The following RBFOX1 variants were observed in gnomAD, a reference collection of about 807,000 sequenced individuals.
RBFOX1 encodes RNA binding fox-1 homolog 1, also known as RNA binding protein fox-1 homolog 1.
RBFOX1 carries 8 observed loss-of-function variants against 57.7 expected under a neutral mutation model. The ratio of observed to expected loss-of-function variants is 0.14; its 90% CI spans 0.08 to 0.25. RBFOX1 has a LOEUF of 0.25. Ranked by LOEUF, RBFOX1 falls within the 10% of genes least tolerant of loss-of-function variation. The pLI is 1.00. For synonymous variants in RBFOX1, 326 were observed against 222.4 expected, an observed-to-expected ratio of 1.47 and a Z score of -4.15; for missense variants, 611 against 548.5, an observed-to-expected ratio of 1.11 and a Z score of -1.14.
intron 3 of RBFOX1, among the ~76,000 whole-genome samples, chr16:6,777,557 C>G (rs1372908717): frequency 1.3e-5 from 2 of 152,022 alleles, no homozygotes; most frequent in South Asian, 2.1e-4. Flanking sequence ...ACCTTGCAGG[C>G]CTGTTTGCAA....
At chr16:6,918,093 C>A (rs1163154587) in intron 3 of RBFOX1, among the ~76,000 whole-genome samples, 1 of 152,052 alleles carries the variant, frequency 6.6e-6, no homozygotes, top group Non-Finnish European at 1.5e-5. Context: ...TCGAGACCAG[C>A]CTGGACAACA....
chr16:6,709,462 A>G (rs1487450917), intron 3 of RBFOX1, among the ~76,000 whole-genome samples: 1 of 152,234 alleles, frequency 6.6e-6, no homozygotes, highest in Non-Finnish European at 1.5e-5. Context: ...TCTTCATACA[A>G]TATAGCTGAC....
At chr16:7,679,529 C>A (rs532065830) in intron 14 of RBFOX1, among the ~76,000 whole-genome samples, 1 of 152,172 alleles carries the variant, frequency 6.6e-6, no homozygotes, top group African/African-American at 2.4e-5. Context: ...AACAAACTTT[C>A]CCTGTAATCA....
In RBFOX1 at chr16:5,877,466, C is replaced by G. The variant is rs572068876; in HGVS notation, c.351+10131C>G. ...GGGCTGTTTAGCTCTCCCAGGAAGC[C>G]TGGCTTCAGATGAGATGGGTCTTCC... is the stretch of plus-strand genomic sequence containing the variant. On this transcript the variant is annotated intron_variant, in intron 4 of 19. Coordinates refer to the RBFOX1 transcript ENST00000641259. 7.2e-5 allele frequency among the ~76,000 whole-genome samples: 11 copies of G among 152,360 alleles called. No homozygotes were observed. The East Asian group carries it at 2.1e-3, about 29-fold the overall frequency.
At chr16:5,651,844 T>C (rs2049250741) in intron 3 of RBFOX1, among the ~76,000 whole-genome samples, 2 of 152,208 alleles carry the variant, frequency 1.3e-5, no homozygotes, top group Middle Eastern at 3.4e-3. Flanking sequence ...ATAATAATAA[T>C]GCTTTTAGGC....
chr16:6,998,180 A>C (rs1421521960), intron 3 of RBFOX1, among the ~76,000 whole-genome samples: 2 of 152,192 alleles, frequency 1.3e-5, no homozygotes, highest in Non-Finnish European at 2.9e-5. Context: ...CAGCCAAAGC[A>C]GTACATTTGG....
intron 2 of RBFOX1, among the ~76,000 whole-genome samples, chr16:6,370,990 GT>G (rs1173760539): frequency 6.6e-6 from 1 of 152,152 alleles, no homozygotes; most frequent in African/African-American, 2.4e-5. Context: ...TATGATCCCA[GT>G]TGGGGTGTGC....
At chr16:5,868,486 A>G (rs2057393843) in intron 4 of RBFOX1, among the ~76,000 whole-genome samples, 1 of 152,218 alleles carries the variant, frequency 6.6e-6, no homozygotes, top group African/African-American at 2.4e-5. Context: ...GTAGGGTAAA[A>G]TAGAATAAAG....
intron 3 of RBFOX1, among the ~76,000 whole-genome samples, chr16:6,928,401 G>A (rs947632526): frequency 6.6e-6 from 1 of 152,138 alleles, no homozygotes; most frequent in African/African-American, 2.4e-5. Flanking sequence ...TGTGGGAGCA[G>A]AGGTTGTTGT....
chr16:5,936,835 A>T (rs2059177912), intron 4 of RBFOX1, among the ~76,000 whole-genome samples: 1 of 152,186 alleles, frequency 6.6e-6, no homozygotes, highest in South Asian at 2.1e-4. Context: ...AGCAGAGGTG[A>T]TCCCCAGAAA....
At chr16:5,600,712 A>C (rs956914058), downstream of RBFOX1, among the ~76,000 whole-genome samples, 33 of 152,064 alleles carry the variant, frequency 2.2e-4, no homozygotes, top group Non-Finnish European at 4.7e-4. Flanking sequence ...GGATTTTTAT[A>C]ATAAACCTCA....
At chr16:6,901,648 C>T (rs13334788) in intron 3 of RBFOX1, among the ~76,000 whole-genome samples, 49,791 of 152,130 alleles carry the variant, frequency 0.33, 10,409 homozygotes, top group African/African-American at 0.6. Flanking sequence ...TAACCTTCAA[C>T]AAACTAAAAC....
intron 2 of RBFOX1, among the ~76,000 whole-genome samples, chr16:6,506,886 G>A (rs1285735288): frequency 6.6e-6 from 1 of 152,092 alleles, no homozygotes; most frequent in Non-Finnish European, 1.5e-5. Flanking sequence ...GACCTCAAGT[G>A]ATCCACCTGC....
intron 3 of RBFOX1, among the ~76,000 whole-genome samples, chr16:6,796,027 G>T (rs1263099559): frequency 6.6e-6 from 1 of 151,640 alleles, no homozygotes; most frequent in African/African-American, 2.4e-5. Context: ...TTTTCATGCT[G>T]CTGACAAAGA....
chr16:7,269,127 G>GA (rs936784489), intron 4 of RBFOX1, among the ~76,000 whole-genome samples: 28 of 145,544 alleles, frequency 1.9e-4, no homozygotes, highest in African/African-American at 6.3e-4. Context: ...GTCTTCCTCT[G>GA]AAAAAATATG....
At chr16:5,768,233 G>A (rs1397782111) in intron 3 of RBFOX1, among the ~76,000 whole-genome samples, 1 of 152,184 alleles carries the variant, frequency 6.6e-6, no homozygotes, top group East Asian at 1.9e-4. Context: ...TCCATAATGA[G>A]ATACGTGAAC....
chr16:5,573,363 C>T (rs1006522475), intron 2 of RBFOX1, among the ~76,000 whole-genome samples: 8 of 152,200 alleles, frequency 5.3e-5, no homozygotes, highest in Non-Finnish European at 8.8e-5. Context: ...TGAGCTGTTC[C>T]ACCTCTTCCC....
chr16:7,055,549 T>A (rs1234962713), intron 4 of RBFOX1, among the ~76,000 whole-genome samples: 1 of 151,612 alleles, frequency 6.6e-6, no homozygotes, highest in African/African-American at 2.4e-5. Flanking sequence ...AGAAGAGGAG[T>A]TTCTCCTTCA....
At chr16:6,344,469 C>T (rs982662988) in intron 2 of RBFOX1, among the ~76,000 whole-genome samples, 4 of 137,104 alleles carry the variant, frequency 2.9e-5, no homozygotes, top group Admixed American at 1.5e-4. Context: ...ACAATCTCAG[C>T]GCACTGCATG....
Sources: gnomAD v4.1 joint callset for allele counts (sites outside exome capture counted in the v4.1 genomes callset) on GRCh38, gnomAD v4.1.1 for gene constraint, MANE v1.5 for transcripts, NCBI Gene and HGNC (gene_info 2026-07-23, HGNC 2026-07-21) for gene names.